MYO16: variants seen among roughly 807,000 people sequenced by gnomAD.
The protein encoded by MYO16 is unconventional myosin-XVI.
Under a neutral mutation model 205.3 loss-of-function variants are expected in MYO16, and 94 were observed. The observed-to-expected ratio is 0.46, with a 90% CI of 0.39 to 0.54. The LOEUF (loss-of-function observed/expected upper bound fraction) is 0.54. Ranked by LOEUF, MYO16 falls within the 20% of genes least tolerant of loss-of-function variation. MYO16 has a pLI of 0.00. For missense variants in MYO16, 2,315 were observed against 2,387.5 expected (o/e 0.97, Z 0.63); for synonymous variants, 988 against 954.0 (o/e 1.04, Z -0.66).
chr13:109,033,635 C>T (rs1594488509), intron 23 of MYO16, among the ~76,000 whole-genome samples: 1 of 152,128 alleles, frequency 6.6e-6, no homozygotes, highest in Non-Finnish European at 1.5e-5. Context: ...AAAATGATTA[C>T]AGGGAATAGA....
intron 33 of MYO16, among the ~76,000 whole-genome samples, chr13:109,173,040 G>A (rs776820975): frequency 1.3e-4 from 20 of 152,218 alleles, no homozygotes; most frequent in Non-Finnish European, 2.8e-4. Context: ...AGGAATATCT[G>A]GGTGGAGTTC....
intron 21 of MYO16, among the ~76,000 whole-genome samples, chr13:109,001,200 G>A (rs1350191413): frequency 6.6e-6 from 1 of 150,856 alleles, no homozygotes; most frequent in African/African-American, 2.4e-5. Context: ...AAAAAGAAAA[G>A]GAAGAGAAGG....
the MYO16 span, among the ~76,000 whole-genome samples, chr13:108,497,448 G>T: frequency 6.6e-6 from 1 of 152,178 alleles, no homozygotes; most frequent in South Asian, 2.1e-4. Context: ...GTTTACATTT[G>T]ATGGATGTTT....
chr13:108,899,226 C>T (rs148671077), intron 15 of MYO16, among the ~76,000 whole-genome samples: 5,542 of 152,082 alleles, frequency 0.036, 336 homozygotes, highest in African/African-American at 0.13. Flanking sequence ...GAGTTTGAGA[C>T]CAGCCTGACT....
chr13:108,742,340 T>G (rs534038990), intron 4 of MYO16, among the ~76,000 whole-genome samples: 6 of 152,230 alleles, frequency 3.9e-5, no homozygotes, highest in African/African-American at 1.4e-4. Context: ...AGGTTGGCAG[T>G]GGTGTGAAAT....
In MYO16 at chr13:108,866,244, T is replaced by C; in HGVS notation, c.1425+2T>C. ...GAGCTTCCAATTTATTCTTCCATGG[T>C]GAGCACAAAATTTTAAATATCATTG... On this transcript the variant is annotated splice_donor_variant, in intron 12 of 34. Coordinates refer to ENST00000457511, the MANE Select transcript of MYO16 (RefSeq NM_001198950.3). LOFTEE classifies it high-confidence loss of function. 6.4e-7 allele frequency: 1 copy of C among 1,573,470 alleles called. No individual in the cohort carries two copies.
chr13:108,776,081 C>T (rs1398597107), intron 4 of MYO16, among the ~76,000 whole-genome samples: 2 of 152,164 alleles, frequency 1.3e-5, no homozygotes, highest in Non-Finnish European at 2.9e-5. Flanking sequence ...GCCAAGGAAT[C>T]TACATTCCCA....
chr13:108,622,845 T>A (rs1879595733), intron 1 of MYO16, among the ~76,000 whole-genome samples: 1 of 151,998 alleles, frequency 6.6e-6, no homozygotes, highest in African/African-American at 2.4e-5. Flanking sequence ...AAAGCCCCAC[T>A]ATTCAAAAAG....
chr13:108,631,626 T>C (rs1384703625), intron 1 of MYO16, among the ~76,000 whole-genome samples: 3 of 152,120 alleles, frequency 2.0e-5, no homozygotes, highest in Non-Finnish European at 4.4e-5. Context: ...GTCTATAAAA[T>C]GGAAAGGAAG....
At chr13:108,812,533 C>T (rs1212673626) in intron 7 of MYO16, among the ~76,000 whole-genome samples, 2 of 152,060 alleles carry the variant, frequency 1.3e-5, no homozygotes, top group Non-Finnish European at 2.9e-5. Flanking sequence ...GAAACCCAGG[C>T]ACATGCAAGG....
At chr13:108,723,516 A>T (rs1360849289) in intron 3 of MYO16, among the ~76,000 whole-genome samples, 1 of 152,156 alleles carries the variant, frequency 6.6e-6, no homozygotes, top group Non-Finnish European at 1.5e-5. Flanking sequence ...GACAAAATAT[A>T]GGTCAAAAGT....
chr13:109,160,926 G>T lies in MYO16; in HGVS notation c.5165-3975G>T, dbSNP rs1033326127. Among the ~76,000 whole-genome samples, 4 of 152,284 alleles carry T rather than the reference G, an allele frequency of 2.6e-5. No homozygotes were observed. The East Asian group carries it at 7.7e-4, about 29-fold the overall frequency. On this transcript the variant is annotated intron_variant, in intron 32 of 34. Coordinates refer to ENST00000457511, the MANE Select transcript of MYO16 (RefSeq NM_001198950.3). ...TGCTGAAGTGCTGGGTAGTGGGAAT[G>T]CTTTTGACAAGGAATGTTGTGTGCT...
Position 108,876,669 on chromosome 13 carries a change from C to CTTT in MYO16, c.1426-6377_1426-6375dup, listed in dbSNP as rs35250959. ...ATAACATAGTAACTATATTCTCTCTCTTTTTTTTTTTTTTTGAGATGAGAT... is the reference window on the plus strand; with the variant it reads ...ATAACATAGTAACTATATTCTCTCTCTTTTTTTTTTTTTTTTTTGAGATGAGAT... On this transcript the variant is annotated intron_variant, in intron 12 of 34. Coordinates refer to ENST00000457511, the MANE Select transcript of MYO16 (RefSeq NM_001198950.3). Among the ~76,000 whole-genome samples, 6 of 135,258 alleles carry CTTT rather than the reference C, an allele frequency of 4.4e-5. No individual in the cohort carries two copies. The East Asian group carries it at 6.5e-4, about 15-fold the overall frequency. The allele number at this position is 135,258 out of a possible 152,430, so 88.7% of individuals were successfully genotyped here. A position where few individuals can be genotyped will look rare whatever the true frequency, so the allele number is the denominator to read the frequency against.
chr13:108,736,629 G>C (rs1253185337), intron 4 of MYO16, among the ~76,000 whole-genome samples: 4 of 152,044 alleles, frequency 2.6e-5, no homozygotes, highest in Non-Finnish European at 4.4e-5. Flanking sequence ...AATGCGGGCT[G>C]TTTTTTGGTT....
intron 20 of MYO16, among the ~76,000 whole-genome samples, chr13:108,979,912 C>T (rs572094011): frequency 1.4e-4 from 22 of 151,868 alleles, no homozygotes; most frequent in Non-Finnish European, 2.6e-4. Flanking sequence ...TTTTGCCACT[C>T]ATTATTTTTA....
intron 27 of MYO16, among the ~76,000 whole-genome samples, chr13:109,079,905 T>C (rs1047841937): frequency 2.7e-5 from 4 of 147,478 alleles, no homozygotes; most frequent in African/African-American, 1.0e-4. Context: ...AGTTGGAGTC[T>C]CACTCTGTCA....
At chr13:109,124,579 G>A (rs537223238) in intron 29 of MYO16, among the ~76,000 whole-genome samples, 21 of 151,968 alleles carry the variant, frequency 1.4e-4, no homozygotes, top group Non-Finnish European at 2.9e-4. Context: ...TTTTCTAGCC[G>A]TCCTTTCCCA....
At position 109,004,737 on chromosome 13, in the gene MYO16, A is replaced by G. The variant is rs9583317; in HGVS notation, c.2443-4160A>G. 2.0e-3 allele frequency among the ~76,000 whole-genome samples: 312 copies of G among 152,266 alleles called. 3 individuals are homozygous for G. Among genetic ancestry groups the G allele is most frequent in the African/African-American group, 7.3e-3 (304 of 41,568 alleles). On this transcript the variant is annotated intron_variant, in intron 21 of 34. Transcript: ENST00000457511. The stretch of plus-strand genomic sequence containing the variant: ...TTTGATGGAATAATTCAAGAGGATA[A>G]ATGTGCTAGACTGTATCAGTTACAA...
intron 27 of MYO16, among the ~76,000 whole-genome samples, chr13:109,064,227 A>G (rs1887674202): frequency 6.6e-6 from 1 of 152,176 alleles, no homozygotes; most frequent in African/African-American, 2.4e-5. Context: ...GCAAAGCCTA[A>G]AATATTTACT....
Sources: gnomAD v4.1 joint callset for allele counts (sites outside exome capture counted in the v4.1 genomes callset) on GRCh38, gnomAD v4.1.1 for gene constraint, MANE v1.5 for transcripts, NCBI Gene and HGNC (gene_info 2026-07-23, HGNC 2026-07-21) for gene names.